Variants in MYRIP observed in about 807,000 individuals in gnomAD.
The protein encoded by MYRIP is myosin VIIA and Rab interacting protein.
Under a neutral mutation model 98.0 loss-of-function variants are expected in MYRIP, and 49 were observed. That is an observed-to-expected ratio of 0.50 (90% CI 0.40 to 0.63). MYRIP has a LOEUF of 0.63. MYRIP is among the 30% of genes least tolerant of loss of function. The pLI, the probability that MYRIP is intolerant of heterozygous loss-of-function variation, is 0.00. For missense variants in MYRIP, 1,004 were observed against 1,058.2 expected (o/e 0.95, Z 0.71); for synonymous variants, 404 against 409.5 (o/e 0.99, Z 0.16).
intron 2 of MYRIP, among the ~76,000 whole-genome samples, chr3:39,988,965 G>C (rs1946104722): frequency 6.6e-6 from 1 of 151,700 alleles, no homozygotes; most frequent in African/African-American, 2.4e-5. Flanking sequence ...AACATGCTCG[G>C]TTAGCTCAGC....
chr3:40,129,077 G>A (rs1027743746), intron 3 of MYRIP, among the ~76,000 whole-genome samples: 15 of 151,800 alleles, frequency 9.9e-5, no homozygotes, highest in African/African-American at 3.6e-4. Flanking sequence ...AATGACAAGG[G>A]GGGAAACAAG....
chr3:39,888,387 T>C (rs1575347281), intron 1 of MYRIP, among the ~76,000 whole-genome samples: 1 of 151,732 alleles, frequency 6.6e-6, no homozygotes, highest in East Asian at 1.9e-4. Context: ...TATCTACAAC[T>C]ATCTGATCTT....
At chr3:40,136,047 TG>T (rs1949758423) in intron 3 of MYRIP, among the ~76,000 whole-genome samples, 1 of 152,086 alleles carries the variant, frequency 6.6e-6, no homozygotes, top group Non-Finnish European at 1.5e-5. Context: ...TAACCTTAAA[TG>T]TAAATGGGCT....
intron 3 of MYRIP, among the ~76,000 whole-genome samples, chr3:40,137,217 A>T (rs941748965): frequency 8.5e-5 from 13 of 152,270 alleles, no homozygotes; most frequent in Admixed American, 5.2e-4. Flanking sequence ...CACTGATCCC[A>T]CAGAAATACA....
chr3:40,035,573 A>T (rs1378101854), intron 2 of MYRIP, among the ~76,000 whole-genome samples: 5 of 152,002 alleles, frequency 3.3e-5, no homozygotes. Context: ...AAGAATCAGG[A>T]AGGGGGCGTA....
chr3:40,194,526 TG>T (rs1951334525), intron 10 of MYRIP, among the ~76,000 whole-genome samples: 2 of 152,118 alleles, frequency 1.3e-5, no homozygotes, highest in African/African-American at 4.8e-5. Flanking sequence ...TAGAAAATGA[TG>T]ATATCATTTT....
intron 3 of MYRIP, among the ~76,000 whole-genome samples, chr3:40,086,023 G>C (rs1381174951): frequency 6.6e-6 from 1 of 151,938 alleles, no homozygotes; most frequent in East Asian, 1.9e-4. Context: ...ACTACAGAAA[G>C]TATATAAAGA....
intron 2 of MYRIP, among the ~76,000 whole-genome samples, chr3:39,978,591 G>A (rs771159995): frequency 2.0e-5 from 3 of 152,200 alleles, no homozygotes; most frequent in Non-Finnish European, 4.4e-5. Flanking sequence ...ATATGTTTGT[G>A]TTGACATAAA....
At chr3:39,980,731 A>T (rs1034301982) in intron 2 of MYRIP, among the ~76,000 whole-genome samples, 1 of 152,218 alleles carries the variant, frequency 6.6e-6, no homozygotes, top group Non-Finnish European at 1.5e-5. Flanking sequence ...TTAAACAGCA[A>T]TGCATATTTT....
chr3:40,183,167 A>C (rs1425124033), intron 9 of MYRIP, among the ~76,000 whole-genome samples: 1 of 152,192 alleles, frequency 6.6e-6, no homozygotes, highest in Non-Finnish European at 1.5e-5. Flanking sequence ...CAACCTGTGG[A>C]CAGGAACTGG....
At chr3:39,833,305 G>T (rs1222238796) in intron 1 of MYRIP, among the ~76,000 whole-genome samples, 1 of 152,052 alleles carries the variant, frequency 6.6e-6, no homozygotes, top group African/African-American at 2.4e-5. Flanking sequence ...TTTTGGGTTG[G>T]GGGGTTAATG....
intron 1 of MYRIP, among the ~76,000 whole-genome samples, chr3:39,845,113 G>A (rs1559494292): frequency 1.3e-5 from 2 of 152,224 alleles, no homozygotes; most frequent in East Asian, 1.9e-4. Flanking sequence ...TAACAACAAC[G>A]GCAATAAAAG....
At chr3:40,104,911 C>G (rs1405075639) in intron 3 of MYRIP, among the ~76,000 whole-genome samples, 11 of 152,204 alleles carry the variant, frequency 7.2e-5, no homozygotes, top group Admixed American at 1.3e-4. Flanking sequence ...TTCTAAAAAG[C>G]CTTTCAACTT....
At chr3:40,171,877 A>G (rs1950623948) in intron 8 of MYRIP, among the ~76,000 whole-genome samples, 1 of 152,186 alleles carries the variant, frequency 6.6e-6, no homozygotes, top group Non-Finnish European at 1.5e-5. Flanking sequence ...AAGAGGTTTG[A>G]CTCACGGTTC....
At chr3:40,027,974 C>T (rs137989008) in intron 2 of MYRIP, among the ~76,000 whole-genome samples, 82 of 152,088 alleles carry the variant, frequency 5.4e-4, no homozygotes, top group Admixed American at 1.6e-3. Context: ...GGGCAGGAAG[C>T]GGGAAAAAGA....
In MYRIP at chr3:40,245,650, CAAAAAAA is replaced by C. The variant is rs1230060850; in HGVS notation, c.2262+1057_2262+1063del. 4.0e-3 allele frequency among the ~76,000 whole-genome samples: 250 copies of C among 62,782 alleles called. 3 individuals are homozygous for C. The highest frequency in any genetic ancestry group is 0.015 in the African/African-American group (240 of 16,254). The allele number at this position is 62,782 out of a possible 152,430, so 41.2% of individuals were successfully genotyped here. A position where few individuals can be genotyped will look rare whatever the true frequency, so the allele number is the denominator to read the frequency against. On this transcript the variant is annotated intron_variant, in intron 13 of 16. Transcript: ENST00000302541. Reference sequence around the variant, plus strand: ...GGGCAACAGAGTGAGACTCCATCTCCAAAAAAAAAAAAAAAAAAAAGGGCTCCATGTG... The same window carrying C: ...GGGCAACAGAGTGAGACTCCATCTCCAAAAAAAAAAAAAGGGCTCCATGTG...
intron 3 of MYRIP, among the ~76,000 whole-genome samples, chr3:40,129,464 A>C (rs1419631501): frequency 6.7e-6 from 1 of 148,680 alleles, no homozygotes; most frequent in Non-Finnish European, 1.5e-5. Context: ...AAAAAAAAAA[A>C]AAAAAAAAAA....
At chr3:39,862,433 G>A (rs1278550273) in intron 1 of MYRIP, among the ~76,000 whole-genome samples, 1 of 152,022 alleles carries the variant, frequency 6.6e-6, no homozygotes, top group Non-Finnish European at 1.5e-5. Flanking sequence ...ACAAACAAGT[G>A]TGCATACTAA....
chr3:39,851,511 A>G (rs746073546), intron 1 of MYRIP, among the ~76,000 whole-genome samples: 3 of 152,046 alleles, frequency 2.0e-5, no homozygotes, highest in Non-Finnish European at 2.9e-5. Context: ...GCCATTAGAA[A>G]TGATTTTGCA....
Sources: gnomAD v4.1 joint callset for allele counts (sites outside exome capture counted in the v4.1 genomes callset) on GRCh38, gnomAD v4.1.1 for gene constraint, MANE v1.5 for transcripts, NCBI Gene and HGNC (gene_info 2026-07-23, HGNC 2026-07-21) for gene names.